The following CPE variants were observed in gnomAD, a reference collection of about 807,000 sequenced individuals.
CPE encodes carboxypeptidase E.
Under a neutral mutation model 53.5 loss-of-function variants are expected in CPE, and 17 were observed. That is an observed-to-expected ratio of 0.32 (90% CI 0.22 to 0.48). The LOEUF is 0.48. CPE is among the 20% of genes least tolerant of loss of function. The probability of loss-of-function intolerance (pLI) is 0.99; values close to 1 mark genes in which losing one functional copy is unlikely to be tolerated. For missense variants in CPE, 524 were observed against 614.7 expected, an observed-to-expected ratio of 0.85 and a Z score of 1.56; for synonymous variants, 226 against 228.8, an observed-to-expected ratio of 0.99 and a Z score of 0.11.
At chr4:165,403,697 G>A (rs1251568859) in intron 1 of CPE, among the ~76,000 whole-genome samples, 2 of 146,942 alleles carry the variant, frequency 1.4e-5, no homozygotes. Flanking sequence ...ACAGAGTTTG[G>A]TTTTTATTGT....
At chr4:165,483,245 G>C (rs1732451647) in intron 4 of CPE, among the ~76,000 whole-genome samples, 1 of 152,114 alleles carries the variant, frequency 6.6e-6, no homozygotes, top group Admixed American at 6.5e-5. Context: ...AGAGTATGTG[G>C]TATTTGATTT....
chr4:165,421,202 G>A (rs1731204885), intron 1 of CPE, among the ~76,000 whole-genome samples: 1 of 152,208 alleles, frequency 6.6e-6, no homozygotes, highest in South Asian at 2.1e-4. Context: ...TGAGTGTGCA[G>A]TAGTAAATTT....
intron 1 of CPE, among the ~76,000 whole-genome samples, chr4:165,381,852 A>G (rs1185676352): frequency 1.3e-5 from 2 of 152,252 alleles, no homozygotes; most frequent in Non-Finnish European, 2.9e-5. Flanking sequence ...CTTTTAGGTT[A>G]AACTATTTTA....
chr4:165,481,605 G>A (rs577867067), intron 3 of CPE, among the ~76,000 whole-genome samples: 1 of 152,120 alleles, frequency 6.6e-6, no homozygotes, highest in Non-Finnish European at 1.5e-5. Flanking sequence ...AAGATATGAG[G>A]GGCAGTGAAT....
At chr4:165,467,056 C>G (rs1161241897) in intron 2 of CPE, among the ~76,000 whole-genome samples, 1 of 152,150 alleles carries the variant, frequency 6.6e-6, no homozygotes, top group Non-Finnish European at 1.5e-5. Context: ...TGTGCAGCAG[C>G]TTATATCTAT....
chr4:165,387,838 T>C (rs1388146431), intron 1 of CPE, among the ~76,000 whole-genome samples: 1 of 152,134 alleles, frequency 6.6e-6, no homozygotes, highest in East Asian at 1.9e-4. Context: ...GTCAGGCTTG[T>C]CTTGAACTTC....
intron 6 of CPE, 30 bp downstream of exon 6, chr4:165,487,607 A>G: frequency 6.2e-7 from 1 of 1,612,874 alleles, no homozygotes; most frequent in South Asian, 1.1e-5. Flanking sequence ...TAAAAATGCA[A>G]GGTTTACAAG....
At chr4:165,491,654 A>G (rs1012257659) in intron 6 of CPE, among the ~76,000 whole-genome samples, 12 of 152,244 alleles carry the variant, frequency 7.9e-5, no homozygotes. Context: ...GGTTGCCAAT[A>G]AAATGATCAT....
chr4:165,476,656 C>T (rs1042450544), intron 3 of CPE, among the ~76,000 whole-genome samples: 1 of 152,094 alleles, frequency 6.6e-6, no homozygotes, highest in Non-Finnish European at 1.5e-5. Flanking sequence ...AACAACCTCC[C>T]GCCCATCACC....
At chr4:165,471,165 C>T (rs1003877189) in intron 3 of CPE, among the ~76,000 whole-genome samples, 21 of 152,294 alleles carry the variant, frequency 1.4e-4, no homozygotes, top group East Asian at 3.9e-4. Flanking sequence ...TGGCTATTTT[C>T]GTGCCTGCTA....
At chr4:165,432,625 A>G (rs1731432779) in intron 1 of CPE, among the ~76,000 whole-genome samples, 1 of 152,194 alleles carries the variant, frequency 6.6e-6, no homozygotes. Context: ...AAACTTTTCA[A>G]TAGTCACAAC....
chr4:165,444,250 G>C (rs1731663519), intron 1 of CPE, among the ~76,000 whole-genome samples: 2 of 152,164 alleles, frequency 1.3e-5, no homozygotes, highest in South Asian at 4.1e-4. Context: ...GCTGGTAAAT[G>C]ATGTAACACA....
intron 1 of CPE, among the ~76,000 whole-genome samples, chr4:165,431,342 T>C (rs1731405465): frequency 6.6e-6 from 1 of 152,194 alleles, no homozygotes; most frequent in Admixed American, 6.5e-5. Context: ...ACTACAAAAT[T>C]GATCTTGCGA....
intron 3 of CPE, among the ~76,000 whole-genome samples, chr4:165,473,332 ACCT>A (rs143589956): frequency 0.72 from 109,418 of 151,710 alleles, 39,881 homozygotes; most frequent in African/African-American, 0.79. Context: ...TACCAAAAAT[ACCT>A]CCTCTTTCTC....
At chr4:165,404,349 C>T in intron 1 of CPE, 1 of 771,198 alleles carries the variant, frequency 1.3e-6, no homozygotes, top group Admixed American at 1.7e-5. Flanking sequence ...ATGTCTTCAT[C>T]TGAGGAGACT....
chr4:165,429,473 C>T (rs67326658), intron 1 of CPE, among the ~76,000 whole-genome samples: 44,789 of 151,908 alleles, frequency 0.29, 6,677 homozygotes, highest in Middle Eastern at 0.39. Context: ...GAGGCCAACA[C>T]GAGTAGATTG....
In CPE at chr4:165,425,708, G is replaced by C. The variant is rs139257284; in HGVS notation, c.308-38682G>C. 1.1e-3 allele frequency among the ~76,000 whole-genome samples: 163 copies of C among 151,884 alleles called. 1 individual carries two copies. Among genetic ancestry groups the C allele is most frequent in the Non-Finnish European group, 1.8e-3 (123 of 67,984 alleles). On this transcript the variant is annotated intron_variant, in intron 1 of 8. Transcript: ENST00000402744. ...CAATAGAGTCCTAGAAGAAGTTTTA[G>C]AAGTAGTTCTCAAATGGGTGAGATC...
chr4:165,482,128 T>G, intron 3 of CPE, 114 bp from the exon 4 acceptor site: 2 of 522,950 alleles, frequency 3.8e-6, no homozygotes, highest in Non-Finnish European at 6.3e-6. Flanking sequence ...AGCAAAATAG[T>G]TGAAATATGA....
chr4:165,381,736 A>G (rs996518577), intron 1 of CPE, among the ~76,000 whole-genome samples: 9 of 152,242 alleles, frequency 5.9e-5, no homozygotes, highest in African/African-American at 2.2e-4. Context: ...ACTAGTAAAT[A>G]TAGAGATCTG....
Sources: gnomAD v4.1 joint callset for allele counts (sites outside exome capture counted in the v4.1 genomes callset) on GRCh38, gnomAD v4.1.1 for gene constraint, MANE v1.5 for transcripts, NCBI Gene and HGNC (gene_info 2026-07-23, HGNC 2026-07-21) for gene names.